The following BRD10 variants were observed in gnomAD, a reference collection of about 807,000 sequenced individuals.
BRD10 encodes bromodomain containing 10.
At chr9:5,987,482 G>A in the BRD10 span, among the ~76,000 whole-genome samples, 2 of 151,828 alleles carry the variant, frequency 1.3e-5, no homozygotes, top group African/African-American at 4.8e-5. Flanking sequence ...CCTATAGTAG[G>A]AGTAGTTCTG....
chr9:5,967,813 C>G, the BRD10 span, among the ~76,000 whole-genome samples: 1 of 151,924 alleles, frequency 6.6e-6, no homozygotes, highest in Non-Finnish European at 1.5e-5. Context: ...CATACTGCAT[C>G]AGTACTTTTT....
At chr9:5,972,911 T>G in the BRD10 span, among the ~76,000 whole-genome samples, 2 of 152,162 alleles carry the variant, frequency 1.3e-5, no homozygotes, top group African/African-American at 4.8e-5. Context: ...AAATTTCCAT[T>G]CAGAGTAAAA....
the BRD10 span, chr9:5,920,329 C>G: frequency 1.7e-5 from 27 of 1,613,942 alleles, no homozygotes; most frequent in Non-Finnish European, 2.3e-5. Flanking sequence ...TAATCATAAT[C>G]TGAGTACCAG....
At chr9:5,955,004 T>G in the BRD10 span, among the ~76,000 whole-genome samples, 2 of 151,948 alleles carry the variant, frequency 1.3e-5, no homozygotes, top group African/African-American at 4.8e-5. Flanking sequence ...AGGAGAATCA[T>G]GTGAACCTGG....
chr9:5,905,608 T>G, the BRD10 span, among the ~76,000 whole-genome samples: 29 of 152,224 alleles, frequency 1.9e-4, no homozygotes, highest in Non-Finnish European at 3.5e-4. Flanking sequence ...AAGCATTCCT[T>G]TATACTGACT....
chr9:5,919,584 A>C, the BRD10 span: 1 of 979,392 alleles, frequency 1.0e-6, no homozygotes, highest in Admixed American at 2.8e-5. Flanking sequence ...ACACACACAC[A>C]ATGTATAGTA....
the BRD10 span, chr9:5,914,091 T>A: frequency 2.2e-6 from 1 of 445,720 alleles, no homozygotes; most frequent in Non-Finnish European, 4.5e-6. Flanking sequence ...ATGATCACAA[T>A]AGACAAAGTT....
chr9:5,908,081 G>C, the BRD10 span, among the ~76,000 whole-genome samples: 1 of 152,214 alleles, frequency 6.6e-6, no homozygotes, highest in Non-Finnish European at 1.5e-5. Flanking sequence ...TACTGTGTTT[G>C]ATTCTTAGCT....
the BRD10 span, among the ~76,000 whole-genome samples, chr9:5,932,415 T>C: frequency 6.6e-6 from 1 of 152,066 alleles, no homozygotes; most frequent in Non-Finnish European, 1.5e-5. Flanking sequence ...TATAAAATAA[T>C]TTGGAAGAAA....
chr9:5,945,364 T>G, the BRD10 span, among the ~76,000 whole-genome samples: 1 of 152,222 alleles, frequency 6.6e-6, no homozygotes, highest in Non-Finnish European at 1.5e-5. Flanking sequence ...AACACACTCT[T>G]GGAGAACTGT....
At chr9:5,924,362 T>C in the BRD10 span, among the ~76,000 whole-genome samples, 1 of 152,044 alleles carries the variant, frequency 6.6e-6, no homozygotes, top group African/African-American at 2.4e-5. Flanking sequence ...ACTGTAACCT[T>C]AAATTCCTGG....
At chr9:5,994,756 G>A in the BRD10 span, among the ~76,000 whole-genome samples, 2 of 152,090 alleles carry the variant, frequency 1.3e-5, no homozygotes, top group Non-Finnish European at 2.9e-5. Flanking sequence ...CTCCTACTGA[G>A]CAGGGTAGAA....
the BRD10 span, among the ~76,000 whole-genome samples, chr9:5,927,113 T>C: frequency 1.3e-5 from 2 of 152,326 alleles, no homozygotes; most frequent in South Asian, 2.1e-4. Flanking sequence ...TATGTGGGGA[T>C]AGTATAAAGT....
the BRD10 span, chr9:5,923,189 T>A: frequency 6.2e-7 from 1 of 1,613,922 alleles, no homozygotes; most frequent in East Asian, 2.2e-5. Flanking sequence ...ATAATCAGTT[T>A]GTTTGGACTG....
the BRD10 span, among the ~76,000 whole-genome samples, chr9:5,959,861 T>G: frequency 6.6e-6 from 1 of 152,320 alleles, no homozygotes; most frequent in East Asian, 1.9e-4. Flanking sequence ...TAGTACCACA[T>G]GCTTAGAAAG....
the BRD10 span, among the ~76,000 whole-genome samples, chr9:5,937,774 G>GT: frequency 4.6e-5 from 7 of 152,226 alleles, no homozygotes; most frequent in African/African-American, 1.7e-4. Context: ...CCAAACTGCA[G>GT]TAAGTAGAAA....
chr9:5,923,812 C>T, the BRD10 span, among the ~76,000 whole-genome samples: 4 of 152,054 alleles, frequency 2.6e-5, no homozygotes, highest in South Asian at 2.1e-4. Flanking sequence ...TGTTCATATT[C>T]GGTCAAACTA....
At chr9:5,911,845 T>C in the BRD10 span, among the ~76,000 whole-genome samples, 1 of 152,158 alleles carries the variant, frequency 6.6e-6, no homozygotes, top group Admixed American at 6.5e-5. Flanking sequence ...TGTAGGTCTT[T>C]TGTGGGCTAT....
chr9:5,968,797 A>C, the BRD10 span: 1 of 1,613,942 alleles, frequency 6.2e-7, no homozygotes, highest in Non-Finnish European at 8.5e-7. Flanking sequence ...GTACATCTGC[A>C]CCACAGAACT....
Sources: gnomAD v4.1 joint callset for allele counts (sites outside exome capture counted in the v4.1 genomes callset) on GRCh38, gnomAD v4.1.1 for gene constraint, MANE v1.5 for transcripts, NCBI Gene and HGNC (gene_info 2026-07-23, HGNC 2026-07-21) for gene names.